Variants in ERCC6L2 observed in about 807,000 individuals in gnomAD.
ERCC6L2 encodes DNA excision repair protein ERCC-6-like 2.
Under a neutral mutation model 132.0 loss-of-function variants are expected in ERCC6L2, and 77 were observed. The observed-to-expected ratio is 0.58, with a 90% CI of 0.49 to 0.71. ERCC6L2 has a LOEUF of 0.71. Ranked by LOEUF, ERCC6L2 falls within the 30% of genes least tolerant of loss-of-function variation. The probability of loss-of-function intolerance (pLI) is 0.00; values close to 1 mark genes in which losing one functional copy is unlikely to be tolerated. For synonymous variants in ERCC6L2, 583 were observed against 632.4 expected, an observed-to-expected ratio of 0.92 and a Z score of 1.17; for missense variants, 1,542 against 1,837.6, an observed-to-expected ratio of 0.84 and a Z score of 2.94.
intron 12 of ERCC6L2, among the ~76,000 whole-genome samples, chr9:95,948,835 A>T (rs749105109): frequency 6.6e-6 from 1 of 151,904 alleles, no homozygotes; most frequent in Non-Finnish European, 1.5e-5. Flanking sequence ...AAATGAAAAT[A>T]CAGCTCATTC....
At position 96,010,914 on chromosome 9, in the gene ERCC6L2, G is replaced by T. The variant is rs1834006684; in HGVS notation, c.3675-1311G>T. On this transcript the variant is annotated intron_variant, in intron 18 of 18. Coordinates refer to ENST00000653738, the MANE Select transcript of ERCC6L2 (RefSeq NM_020207.7). The stretch of plus-strand genomic sequence containing the variant: ...ATATTTGTTAAGTGAATAAATAAAT[G>T]AATGTTTTAAGGAACTATGGTGTAA... 2.6e-5 allele frequency among the ~76,000 whole-genome samples: 4 copies of T among 152,314 alleles called. No individual in the cohort carries two copies. The South Asian group carries it at 8.3e-4, about 32-fold the overall frequency.
Position 95,980,722 on chromosome 9 carries a change from A to C in ERCC6L2, c.3492+2507A>C, listed in dbSNP as rs1263198321. On this transcript the variant is annotated intron_variant, in intron 17 of 18. Coordinates refer to ENST00000653738, the MANE Select transcript of ERCC6L2 (RefSeq NM_020207.7). ...CAGTGGGTGGCAATAGTGAATTTGC[A>C]GTTTTGAAAAAAATTAAAAAGTTAC... Among the ~76,000 whole-genome samples the C allele has an allele frequency of 3.3e-5, 5 of 152,142 alleles. No individual in the cohort carries two copies. In the East Asian group the frequency reaches 9.6e-4, roughly 29 times the overall value.
intron 15 of ERCC6L2, among the ~76,000 whole-genome samples, chr9:95,971,089 T>A (rs1358622693): frequency 6.6e-6 from 1 of 152,182 alleles, no homozygotes; most frequent in East Asian, 1.9e-4. Flanking sequence ...TAGCTTGTCA[T>A]CTCATGTACC....
chr9:95,994,749 G>C (rs960706787), intron 17 of ERCC6L2, among the ~76,000 whole-genome samples: 1 of 150,794 alleles, frequency 6.6e-6, no homozygotes, highest in African/African-American at 2.5e-5. Context: ...AGAGATTACT[G>C]ATAATATTTC....
Position 95,976,921 on chromosome 9 carries a change from G to T in ERCC6L2, c.3338-1140G>T, listed in dbSNP as rs73536529. Among the ~76,000 whole-genome samples, 438 of 152,110 alleles carry T rather than the reference G, an allele frequency of 2.9e-3. 3 individuals are homozygous for T. Among genetic ancestry groups the T allele is most frequent in the African/African-American group, 0.01 (427 of 41,512 alleles). Reference sequence around the variant, plus strand: ...ATATACAAATGAGGCTTTCTTTGTGGCTATTAGCATTCTCGTTTAAGAGTT... The same window carrying T: ...ATATACAAATGAGGCTTTCTTTGTGTCTATTAGCATTCTCGTTTAAGAGTT... On this transcript the variant is annotated intron_variant, in intron 16 of 18. Transcript: ENST00000653738.
intron 13 of ERCC6L2, among the ~76,000 whole-genome samples, chr9:95,961,690 C>T (rs1010764445): frequency 3.9e-5 from 6 of 152,050 alleles, no homozygotes; most frequent in Admixed American, 6.6e-5. Flanking sequence ...AATAAAAGAG[C>T]AGCATGTACA....
chr9:95,991,482 C>T lies in ERCC6L2; in HGVS notation c.3493-13038C>T, dbSNP rs369524835. 2.8e-4 allele frequency among the ~76,000 whole-genome samples: 42 copies of T among 152,124 alleles called. 1 individual carries two copies. In the Middle Eastern group the frequency reaches 0.014, roughly 49 times the overall value. ...AACTAGCCTCTTTTTTATAGAACAC[C>T]ATTTGTACTTGAAAGAATGACTGAT... is the stretch of plus-strand genomic sequence containing the variant. On this transcript the variant is annotated intron_variant, in intron 17 of 18. Coordinates refer to ENST00000653738, the MANE Select transcript of ERCC6L2 (RefSeq NM_020207.7).
intron 20 of ERCC6L2, among the ~76,000 whole-genome samples, chr9:96,040,920 T>A (rs1202523506): frequency 6.6e-6 from 1 of 152,348 alleles, no homozygotes; most frequent in Admixed American, 6.5e-5. Flanking sequence ...AGGGTTTGTT[T>A]GTCTTGAGGG....
Position 96,012,534 on chromosome 9 carries a change from C to G in ERCC6L2, c.3984C>G (p.Ser1328Arg). ...CCAACAAAATTTCTCAAGTTTGCAG[C>G]CTAAAAACATATAAAAGAAAATCAG... Reference protein sequence around the residue: ...DSTNKISQVCSLKTYKRKSVK... With the variant: ...DSTNKISQVCRLKTYKRKSVK... The change falls in exon 19 of 19, where the codon AGC (serine) becomes AGG (arginine). Residue 1328 changes from serine (S) to arginine (R), a missense_variant. Physicochemically the swap from Ser to Arg is moderately radical, Grantham distance 110. Transcript: ENST00000653738. 1 of 1,367,358 alleles carries G rather than the reference C, an allele frequency of 7.3e-7. No homozygotes were observed. The allele number at this position is 1,367,358 out of a possible 1,614,324, so 84.7% of individuals were successfully genotyped here. A position where few individuals can be genotyped will look rare whatever the true frequency, so the allele number is the denominator to read the frequency against.
rs1233342263 is a variant in ERCC6L2, at chr9:95,970,583, G to C, written c.2108G>C (p.Gly703Ala). The stretch of plus-strand genomic sequence containing the variant: ...TTCTTACTGACATTATAGAGAGAAG[G>C]CCAAGTAGAAGCAGGGATCATGACA... Reference protein sequence around the residue: ...CLTKDILEREGQVEAGIMTAT... With the variant: ...CLTKDILEREAQVEAGIMTAT... Residue 703 changes from glycine to alanine, a missense_variant, in exon 15 of 19, where the codon GGC becomes GCC. Gly to Ala is a moderately conservative substitution (Grantham distance 60). Coordinates refer to ENST00000653738, the MANE Select transcript of ERCC6L2 (RefSeq NM_020207.7). 1 of 1,303,396 alleles carries C rather than the reference G, an allele frequency of 7.7e-7. No individual in the cohort carries two copies. Among genetic ancestry groups the C allele is most frequent in the Non-Finnish European group, 1.0e-6 (1 of 988,472 alleles). The allele number at this position is 1,303,396 out of a possible 1,614,324, so 80.7% of individuals were successfully genotyped here.
At chr9:96,004,454 T>G (rs1833793601) in intron 17 of ERCC6L2, 66 bp from the exon 18 acceptor site, 1 of 891,376 alleles carries the variant, frequency 1.1e-6, no homozygotes, top group Non-Finnish European at 1.6e-6. Flanking sequence ...AGTAAGACAT[T>G]CTCATTATTT....
chr9:96,039,405 G>A (rs777686167), intron 20 of ERCC6L2, among the ~76,000 whole-genome samples: 3 of 152,198 alleles, frequency 2.0e-5, no homozygotes, highest in Non-Finnish European at 4.4e-5. Flanking sequence ...TGAGGGCTGA[G>A]GCGTAGAGAA....
At chr9:96,026,131 G>A (rs1473592771) in intron 19 of ERCC6L2, 5 of 152,344 alleles carry the variant, frequency 3.3e-5, no homozygotes, top group Non-Finnish European at 4.4e-5. Context: ...TCAAATCTCC[G>A]AGATGGACCA....
intron 11 of ERCC6L2, among the ~76,000 whole-genome samples, chr9:95,929,554 A>G (rs1252189918): frequency 6.6e-6 from 1 of 152,226 alleles, no homozygotes; most frequent in African/African-American, 2.4e-5. Flanking sequence ...AAACATATAT[A>G]AAATGCACAA....
At chr9:96,026,759 TACAA>T (rs1449333649) in intron 19 of ERCC6L2, among the ~76,000 whole-genome samples, 3 of 77,938 alleles carry the variant, frequency 3.8e-5, no homozygotes, top group African/African-American at 5.3e-5. Context: ...CCACACACAC[TACAA>T]ACACACCACA....
At chr9:95,887,848 T>C (rs1419672367) in intron 2 of ERCC6L2, among the ~76,000 whole-genome samples, 1 of 152,120 alleles carries the variant, frequency 6.6e-6, no homozygotes, top group African/African-American at 2.4e-5. Context: ...AAGAGAAAAA[T>C]AATATTGTCT....
chr9:95,883,624 G>A (rs1338652927), intron 2 of ERCC6L2, among the ~76,000 whole-genome samples: 1 of 152,198 alleles, frequency 6.6e-6, no homozygotes, highest in African/African-American at 2.4e-5. Flanking sequence ...ACTTTGGGAG[G>A]CCAAGGCGGG....
intron 17 of ERCC6L2, among the ~76,000 whole-genome samples, chr9:96,002,508 G>A (rs1229824514): frequency 6.7e-6 from 1 of 149,644 alleles, no homozygotes; most frequent in Non-Finnish European, 1.5e-5. Context: ...TGCAACTTCT[G>A]CCTCCCGGGC....
At chr9:95,946,923 T>G (rs1831092095) in intron 12 of ERCC6L2, among the ~76,000 whole-genome samples, 1 of 152,162 alleles carries the variant, frequency 6.6e-6, no homozygotes, top group South Asian at 2.1e-4. Context: ...TTGGTAGATG[T>G]GTGTGTTCTG....
Sources: allele counts gnomAD v4.1 joint callset (sites outside exome capture counted in the v4.1 genomes callset), GRCh38; gene constraint gnomAD v4.1.1; transcripts MANE v1.5; gene names NCBI Gene and HGNC (gene_info 2026-07-23, HGNC 2026-07-21).